DOT1L: variants seen among roughly 807,000 people sequenced by gnomAD.
DOT1L encodes the protein histone-lysine N-methyltransferase, H3 lysine-79 specific.
DOT1L carries 33 observed loss-of-function variants against 153.3 expected under a neutral mutation model. The ratio of observed to expected loss-of-function variants is 0.22; its 90% CI spans 0.16 to 0.29. The LOEUF (loss-of-function observed/expected upper bound fraction) is 0.29, where lower values mean the gene tolerates loss of function less well. Among genes scored for constraint, DOT1L ranks in the 10% least tolerant of loss-of-function variants. The pLI is 1.00. For missense variants in DOT1L, 1,847 were observed against 2,119.9 expected, an observed-to-expected ratio of 0.87 and a Z score of 2.53; for synonymous variants, 1,135 against 965.1, an observed-to-expected ratio of 1.18 and a Z score of -3.26.
At chr19:2,202,850 A>G (rs1159598825) in intron 9 of DOT1L, 71 bp downstream of exon 9, 2 of 1,529,500 alleles carry the variant, frequency 1.3e-6, no homozygotes, top group Non-Finnish European at 1.8e-6. Flanking sequence ...AGGTCCCCGC[A>G]GGGTGTCCTG....
intron 1 of DOT1L, among the ~76,000 whole-genome samples, chr19:2,174,644 G>A (rs4807211): frequency 0.46 from 70,302 of 151,912 alleles, 16,379 homozygotes; most frequent in Non-Finnish European, 0.47. Flanking sequence ...TTTTAGAGAT[G>A]GGGTCTTGCT....
chr19:2,181,821 G>A (rs1033686500), intron 2 of DOT1L, among the ~76,000 whole-genome samples: 2 of 150,648 alleles, frequency 1.3e-5, no homozygotes, highest in Non-Finnish European at 3.0e-5. Flanking sequence ...TGCTTCTGGC[G>A]GCCAGCCGCC....
rs537916762 is a variant in DOT1L at position 2,200,398 on chromosome 19, G to A, written c.707+459G>A. On this transcript the variant is annotated intron_variant, in intron 8 of 27. Transcript: ENST00000398665. ...GCACTGCCTGGGCTTGCCCCTCCGC[G>A]CCACCTCGCACCCAGGCCTGGGAGC... Among the ~76,000 whole-genome samples the A allele has an allele frequency of 1.4e-4, 21 of 152,270 alleles. No individual in the cohort carries two copies. In the South Asian group the frequency reaches 2.7e-3, roughly 20 times the overall value.
At chr19:2,184,736 C>G (rs912475950) in intron 2 of DOT1L, among the ~76,000 whole-genome samples, 1 of 152,206 alleles carries the variant, frequency 6.6e-6, no homozygotes, top group Non-Finnish European at 1.5e-5. Context: ...GTGGGCTTTC[C>G]GTACTCGCCC....
In DOT1L at chr19:2,195,498, G is replaced by A. The variant is rs560537093; in HGVS notation, c.651+921G>A. On this transcript the variant is annotated intron_variant, in intron 7 of 27. Transcript: ENST00000398665. ...GTGTGGGCTTGGTGCTGGTGCAGCT[G>A]CTCCCGTGATGTGGATTGGAGGGTG... 7.2e-4 allele frequency among the ~76,000 whole-genome samples: 110 copies of A among 152,270 alleles called. 1 individual carries two copies. Among genetic ancestry groups the A allele is most frequent in the African/African-American group, 2.6e-3 (106 of 41,542 alleles).
At chr19:2,186,433 GC>G (rs1287722117) in intron 3 of DOT1L, among the ~76,000 whole-genome samples, 3 of 152,222 alleles carry the variant, frequency 2.0e-5, no homozygotes, top group Non-Finnish European at 4.4e-5. Context: ...TGGAATGCTT[GC>G]TTGGAAGTGT....
In DOT1L at chr19:2,222,982, G is replaced by A. The variant is rs1250329095; in HGVS notation, c.3391-299G>A. 2.2e-5 allele frequency: 10 copies of A among 446,406 alleles called. No homozygotes were observed. Among genetic ancestry groups the A allele is most frequent in the East Asian group, 7.7e-5 (2 of 26,052 alleles). 27.7% of individuals were successfully genotyped at this position (446,406 alleles called of 1,614,324 possible). A position where few individuals can be genotyped will look rare whatever the true frequency, so the allele number is the denominator to read the frequency against. On this transcript the variant is annotated intron_variant, in intron 24 of 27. Transcript: ENST00000398665. This position sits in a 1 kb window ranked among gnomAD's most constrained non-coding sequence, Gnocchi z 6.5. ...CCTGGCAGCCTGGGAAGAGGCGGCCGACAGCTGTCTCTGGGGTTCGGAGTG... is the reference window on the plus strand; with the variant it reads ...CCTGGCAGCCTGGGAAGAGGCGGCCAACAGCTGTCTCTGGGGTTCGGAGTG...
At chr19:2,185,480 T>TG (rs1423192592) in intron 2 of DOT1L, among the ~76,000 whole-genome samples, 6 of 152,110 alleles carry the variant, frequency 3.9e-5, no homozygotes, top group African/African-American at 1.2e-4. Context: ...TTTAAGAACA[T>TG]GCGGGGTAAT....
At chr19:2,203,818 TC>T (rs1211418183) in intron 9 of DOT1L, among the ~76,000 whole-genome samples, 2 of 152,162 alleles carry the variant, frequency 1.3e-5, no homozygotes, top group Non-Finnish European at 2.9e-5. Context: ...CTGCCTGCCT[TC>T]CTAGGCTCTC....
At position 2,222,685 on chromosome 19, in the gene DOT1L, G is replaced by A; in HGVS notation, c.3390+126G>A. The A allele has an allele frequency of 2.2e-6, 2 of 902,172 alleles. No individual in the cohort carries two copies. Among genetic ancestry groups the A allele is most frequent in the Non-Finnish European group, 3.3e-6 (2 of 614,012 alleles). The allele number at this position is 902,172 out of a possible 1,614,324, so 55.9% of individuals were successfully genotyped here. ...GGAGGCCGAGGCGGGTGGATCACAA[G>A]ATCAGGACATCAAGACCATCCTGGC... is the stretch of plus-strand genomic sequence containing the variant. On this transcript the variant is annotated intron_variant, in intron 24 of 27. Transcript: ENST00000398665. This position sits in a 1 kb window ranked among gnomAD's most constrained non-coding sequence, Gnocchi z 6.5.
At chr19:2,177,010 C>G (rs2021973459) in intron 1 of DOT1L, among the ~76,000 whole-genome samples, 1 of 152,224 alleles carries the variant, frequency 6.6e-6, no homozygotes, top group Non-Finnish European at 1.5e-5. Context: ...AGCCCCTATC[C>G]AGAGAGCAGG....
At chr19:2,183,160 A>G (rs1437823163) in intron 2 of DOT1L, among the ~76,000 whole-genome samples, 1 of 152,142 alleles carries the variant, frequency 6.6e-6, no homozygotes, top group African/African-American at 2.4e-5. Flanking sequence ...TGTCCCAAGC[A>G]CGTCCTCCCA....
At position 2,191,405 on chromosome 19, in the gene DOT1L, C is replaced by T; in HGVS notation, c.493+165C>T. 1 of 728,096 alleles carries T rather than the reference C, an allele frequency of 1.4e-6. No individual in the cohort carries two copies. The allele number at this position is 728,096 out of a possible 1,614,324, so 45.1% of individuals were successfully genotyped here. ...GTCCCGCTGTGGGGCCGTTCCTTTC[C>T]CCAGCCCTGACCGGGCTCCACCCAG... On this transcript the variant is annotated intron_variant, in intron 5 of 27. Transcript: ENST00000398665. This position sits in a 1 kb window ranked among gnomAD's most constrained non-coding sequence, Gnocchi z 6.8.
chr19:2,171,449 G>A (rs1463868342), intron 1 of DOT1L, among the ~76,000 whole-genome samples: 1 of 152,180 alleles, frequency 6.6e-6, no homozygotes, highest in African/African-American at 2.4e-5. Flanking sequence ...GCCCCCAGGG[G>A]ACACCTGGTG....
rs375661485 is a variant in DOT1L at position 2,213,935 on chromosome 19, G to T, written c.1746G>T (p.Ser582=). The T allele has an allele frequency of 1.9e-6, 3 of 1,613,010 alleles. No homozygotes were observed. The East Asian group carries it at 6.7e-5, about 36-fold the overall frequency. Residue 582 remains serine (S), a synonymous_variant, in exon 18 of 28, where the codon TCG becomes TCT. Transcript: ENST00000398665. ...SAHNQQLREQ[S]EQLEQDNRAL... is the part of the protein sequence containing the mutation. ...ATAACCAGCAGCTGCGGGAGCAGTC[G>T]GAGCAGCTGGAGCAGGACAACCGCG...
At chr19:2,165,390 G>A (rs1486783785) in intron 1 of DOT1L, among the ~76,000 whole-genome samples, 2 of 152,220 alleles carry the variant, frequency 1.3e-5, no homozygotes, top group Non-Finnish European at 2.9e-5. Context: ...CCGGGTCGGT[G>A]CGAGTGGATG....
At chr19:2,205,841 G>A (rs1306187117) in intron 9 of DOT1L, among the ~76,000 whole-genome samples, 2 of 151,902 alleles carry the variant, frequency 1.3e-5, no homozygotes, top group Admixed American at 6.6e-5. Flanking sequence ...TCACAGGCAT[G>A]CACCATCATG....
intron 3 of DOT1L, among the ~76,000 whole-genome samples, chr19:2,188,683 C>T (rs899909226): frequency 1.3e-5 from 2 of 152,214 alleles, no homozygotes; most frequent in Non-Finnish European, 2.9e-5. Flanking sequence ...ACAGGTACGC[C>T]TCCTCCTCCT....
At chr19:2,224,742 C>T (rs2024261087) in intron 25 of DOT1L, among the ~76,000 whole-genome samples, 2 of 152,204 alleles carry the variant, frequency 1.3e-5, no homozygotes, top group South Asian at 4.1e-4. Flanking sequence ...TGCGCCATCA[C>T]AGCCGGCCCT....
Sources: gnomAD v4.1 joint callset for allele counts (sites outside exome capture counted in the v4.1 genomes callset) on GRCh38, gnomAD v4.1.1 for gene constraint, Gnocchi (gnomAD v3.1) non-coding constraint, MANE v1.5 for transcripts, NCBI Gene and HGNC (gene_info 2026-07-23, HGNC 2026-07-21) for gene names.